The following DNM3 variants were observed in gnomAD, a reference collection of about 807,000 sequenced individuals.
DNM3 encodes the protein dynamin-3.
Under a neutral mutation model 101.6 loss-of-function variants are expected in DNM3, and 47 were observed. The ratio of observed to expected loss-of-function variants is 0.46; its 90% CI spans 0.37 to 0.59. DNM3 has a LOEUF of 0.59. DNM3 is among the 20% of genes least tolerant of loss of function. The pLI is 0.00. For synonymous variants in DNM3, 385 were observed against 387.9 expected (o/e 0.99, Z 0.09); for missense variants, 849 against 1,085.7 (o/e 0.78, Z 3.06).
intron 16 of DNM3, among the ~76,000 whole-genome samples, chr1:172,320,759 G>A (rs560474794): frequency 1.3e-5 from 2 of 152,240 alleles, no homozygotes; most frequent in Admixed American, 1.3e-4. Context: ...GGGGGGATAG[G>A]CCAGCCTCCA....
Position 172,191,715 on chromosome 1 carries a change from T to C in DNM3, c.1659+60427T>C, listed in dbSNP as rs1352069565. On this transcript the variant is annotated intron_variant, in intron 14 of 20. Transcript: ENST00000627582. Reference sequence around the variant, plus strand: ...GTTGAGCAGTGGTTTGTAGTTCTCCTTGAAGAGGTCCTTCACATCCCTTGT... The same window carrying C: ...GTTGAGCAGTGGTTTGTAGTTCTCCCTGAAGAGGTCCTTCACATCCCTTGT... Among the ~76,000 whole-genome samples, 3 of 152,328 alleles carry C rather than the reference T, an allele frequency of 2.0e-5. No homozygotes were observed. The East Asian group carries it at 5.8e-4, about 29-fold the overall frequency.
At chr1:171,859,465 C>A (rs1417835616) in intron 1 of DNM3, among the ~76,000 whole-genome samples, 3 of 152,168 alleles carry the variant, frequency 2.0e-5, no homozygotes, top group African/African-American at 7.2e-5. Flanking sequence ...TCACTTCTAG[C>A]ATATGGTAAT....
intron 4 of DNM3, among the ~76,000 whole-genome samples, chr1:172,021,290 G>A (rs2047834349): frequency 6.6e-6 from 1 of 152,092 alleles, no homozygotes. Context: ...GGGCAATATA[G>A]CAAGGTGCTG....
At chr1:172,039,829 G>A (rs1240039487) in intron 7 of DNM3, among the ~76,000 whole-genome samples, 2 of 151,924 alleles carry the variant, frequency 1.3e-5, no homozygotes, top group Non-Finnish European at 2.9e-5. Context: ...CTCAGTGTCT[G>A]GTTCTGTGAA....
At chr1:172,050,610 AAAG>A (rs2050138847) in intron 10 of DNM3, among the ~76,000 whole-genome samples, 1 of 152,210 alleles carries the variant, frequency 6.6e-6, no homozygotes, top group African/African-American at 2.4e-5. Context: ...AAGGTAATGA[AAAG>A]AATGTGTGTG....
chr1:171,927,987 A>G (rs531304824), intron 2 of DNM3, among the ~76,000 whole-genome samples: 2 of 152,308 alleles, frequency 1.3e-5, no homozygotes, highest in South Asian at 4.2e-4. Flanking sequence ...CTTTAACTAC[A>G]GTGTAGATTG....
rs139632491 is a variant in DNM3, at chr1:172,055,417, T to TAC, written c.1335+6684_1335+6685dup. Among the ~76,000 whole-genome samples, 1,144 of 150,390 alleles carry TAC rather than the reference T, an allele frequency of 7.6e-3. 19 individuals carry two copies. Among genetic ancestry groups the TAC allele is most frequent in the African/African-American group, 0.024 (1,007 of 41,116 alleles). On this transcript the variant is annotated intron_variant, in intron 10 of 20. Transcript: ENST00000627582. ...TTCAGTTGCATAGCCTTCCCACAAA[T>TAC]ACACACACACACACACACCACACAT... is the stretch of plus-strand genomic sequence containing the variant.
chr1:172,129,072 C>T (rs1446722859), intron 13 of DNM3, among the ~76,000 whole-genome samples: 1 of 152,152 alleles, frequency 6.6e-6, no homozygotes, highest in Non-Finnish European at 1.5e-5. Flanking sequence ...TGCCAGCACC[C>T]TTGCTCTGCA....
intron 13 of DNM3, among the ~76,000 whole-genome samples, chr1:172,113,768 A>T (rs1031226482): frequency 6.6e-6 from 1 of 152,112 alleles, no homozygotes; most frequent in African/African-American, 2.4e-5. Context: ...ATCGTGTGGC[A>T]TCAGCTGTGA....
chr1:172,084,261 T>C (rs1182500851), intron 12 of DNM3, among the ~76,000 whole-genome samples: 1 of 152,170 alleles, frequency 6.6e-6, no homozygotes, highest in Non-Finnish European at 1.5e-5. Flanking sequence ...AAAAAAACTA[T>C]GGTGTAGTCT....
intron 11 of DNM3, among the ~76,000 whole-genome samples, chr1:172,077,925 G>A (rs1016162276): frequency 2.0e-5 from 3 of 152,134 alleles, no homozygotes; most frequent in African/African-American, 7.2e-5. Flanking sequence ...GTATTATTGT[G>A]TGAAAGTCTA....
intron 2 of DNM3, among the ~76,000 whole-genome samples, chr1:171,949,566 T>C (rs2042374945): frequency 1.3e-5 from 2 of 151,910 alleles, no homozygotes; most frequent in African/African-American, 4.8e-5. Context: ...CATGCCAGCA[T>C]GCCTGGCTAA....
intron 1 of DNM3, among the ~76,000 whole-genome samples, chr1:171,909,881 AT>A (rs1437834086): frequency 6.6e-6 from 1 of 152,164 alleles, no homozygotes; most frequent in African/African-American, 2.4e-5. Context: ...TTCTCTATGT[AT>A]TTGAGCTCTT....
At chr1:172,333,378 C>T (rs532946055) in intron 17 of DNM3, among the ~76,000 whole-genome samples, 9 of 152,148 alleles carry the variant, frequency 5.9e-5, no homozygotes, top group Middle Eastern at 3.4e-3. Flanking sequence ...ATGCCTAGAC[C>T]CAGTTAGTAA....
At chr1:171,867,399 A>G (rs773111299) in intron 1 of DNM3, among the ~76,000 whole-genome samples, 2 of 152,180 alleles carry the variant, frequency 1.3e-5, no homozygotes, top group Admixed American at 6.5e-5. Flanking sequence ...AACCTCACAT[A>G]TTTGGAATAT....
At chr1:171,906,229 G>A (rs991324145) in intron 1 of DNM3, among the ~76,000 whole-genome samples, 6 of 151,116 alleles carry the variant, frequency 4.0e-5, no homozygotes, top group African/African-American at 1.5e-4. Context: ...CTGGGCTCAA[G>A]CGATTCTCCC....
chr1:172,208,933 A>G (rs2060416389), intron 14 of DNM3, among the ~76,000 whole-genome samples: 1 of 152,110 alleles, frequency 6.6e-6, no homozygotes, highest in East Asian at 1.9e-4. Flanking sequence ...AAATACATGG[A>G]TCCAGGTAGA....
At chr1:172,304,931 GA>G (rs1432979014) in intron 15 of DNM3, among the ~76,000 whole-genome samples, 3 of 152,246 alleles carry the variant, frequency 2.0e-5, no homozygotes, top group African/African-American at 7.2e-5. Context: ...GAGAAAGCAG[GA>G]AAGATCCAAA....
At chr1:172,149,226 A>G (rs1460555197) in intron 14 of DNM3, among the ~76,000 whole-genome samples, 1 of 152,142 alleles carries the variant, frequency 6.6e-6, no homozygotes, top group Non-Finnish European at 1.5e-5. Context: ...CAAAAGCAGT[A>G]TATATTTTAT....
Sources: gnomAD v4.1 joint callset for allele counts (sites outside exome capture counted in the v4.1 genomes callset) on GRCh38, gnomAD v4.1.1 for gene constraint, MANE v1.5 for transcripts, NCBI Gene and HGNC (gene_info 2026-07-23, HGNC 2026-07-21) for gene names.